The following ARHGAP19 variants were observed in gnomAD, a reference collection of about 807,000 sequenced individuals.
The protein encoded by ARHGAP19 is Rho GTPase activating protein 19.
Under a neutral mutation model 60.9 loss-of-function variants are expected in ARHGAP19, and 48 were observed. That is an observed-to-expected ratio of 0.79 (90% confidence interval 0.62 to 1.00). The LOEUF is 1.00. Ranked by LOEUF, ARHGAP19 falls within the 50% of genes least tolerant of loss-of-function variation. The pLI is 0.00. For synonymous variants in ARHGAP19, 209 were observed against 215.5 expected (o/e 0.97, Z 0.27); for missense variants, 562 against 597.2 (o/e 0.94, Z 0.61).
chr10:97,250,079 C>A (rs1334764549), intron 6 of ARHGAP19, among the ~76,000 whole-genome samples: 1 of 152,068 alleles, frequency 6.6e-6, no homozygotes, highest in South Asian at 2.1e-4. Flanking sequence ...CCACCGCACC[C>A]GGCCAGTAGT....
intron 4 of ARHGAP19, among the ~76,000 whole-genome samples, chr10:97,259,929 G>A (rs950555926): frequency 2.6e-5 from 4 of 151,774 alleles, no homozygotes; most frequent in East Asian, 3.9e-4. Flanking sequence ...TCCGCCTCCC[G>A]GGTTCAAGCG....
chr10:97,265,779 C>G, intron 2 of ARHGAP19, 81 bp downstream of exon 2: 1 of 1,529,920 alleles, frequency 6.5e-7, no homozygotes, highest in Middle Eastern at 2.3e-4. Flanking sequence ...AATAGCAACT[C>G]TTCGGTGAAT....
Position 97,266,136 on chromosome 10 carries a change from CAGA to C in ARHGAP19, c.57-14_57-12del. The C allele has an allele frequency of 1.2e-6, 2 of 1,612,562 alleles. No individual in the cohort carries two copies. Among genetic ancestry groups the C allele is most frequent in the East Asian group, 2.2e-5 (1 of 44,866 alleles). On this transcript the variant is annotated splice_polypyrimidine_tract_variant and intron_variant, in intron 1 of 11. Coordinates refer to ENST00000358531, the MANE Select transcript of ARHGAP19 (RefSeq NM_032900.6). ...CTGCAGATGGCATCACTGAAAAACA[CAGA>C]AGAAAATCTTTCGGGACATCATTTT... is the stretch of plus-strand genomic sequence containing the variant.
chr10:97,243,532 A>T (rs1842519225), intron 8 of ARHGAP19, among the ~76,000 whole-genome samples: 1 of 152,122 alleles, frequency 6.6e-6, no homozygotes, highest in Non-Finnish European at 1.5e-5. Flanking sequence ...AAAAGTTACC[A>T]CTTAGACTTT....
chr10:97,231,793 C>T (rs1423920320), intron 9 of ARHGAP19, among the ~76,000 whole-genome samples: 1 of 151,922 alleles, frequency 6.6e-6, no homozygotes, highest in Admixed American at 6.6e-5. Context: ...GCCTCAAGAC[C>T]CTGCTTTCAA....
chr10:97,241,469 C>T (rs554864961), intron 8 of ARHGAP19, among the ~76,000 whole-genome samples: 6 of 152,010 alleles, frequency 3.9e-5, no homozygotes, highest in South Asian at 2.1e-4. Context: ...AATCCCAGAA[C>T]TTTGGGAGGC....
At chr10:97,250,999 G>C (rs1462840604) in intron 6 of ARHGAP19, among the ~76,000 whole-genome samples, 1 of 151,044 alleles carries the variant, frequency 6.6e-6, no homozygotes, top group Non-Finnish European at 1.5e-5. Context: ...GGAAGTCAAA[G>C]CTGCAGTGAG....
intron 1 of ARHGAP19, among the ~76,000 whole-genome samples, chr10:97,284,096 G>C (rs911969473): frequency 3.3e-5 from 5 of 151,748 alleles, no homozygotes; most frequent in Non-Finnish European, 5.9e-5. Flanking sequence ...ACCACACCTA[G>C]CTTTTTTCTC....
chr10:97,283,523 C>T (rs979823638), intron 1 of ARHGAP19, among the ~76,000 whole-genome samples: 15 of 151,270 alleles, frequency 9.9e-5, no homozygotes, highest in Admixed American at 9.9e-4. Context: ...CACTGCACTC[C>T]GGCCTGGGCA....
chr10:97,259,587 G>T lies in ARHGAP19; in HGVS notation c.655C>A (p.Pro219Thr). The T allele has an allele frequency of 6.2e-7, 1 of 1,614,140 alleles. No individual in the cohort carries two copies. The highest frequency in any genetic ancestry group is 1.3e-5 in the African/African-American group (1 of 75,042). Residue 219 changes from proline to threonine, a missense_variant, in exon 5 of 12, where the codon CCA becomes ACA. Physicochemically the swap from Pro to Thr is conservative, Grantham distance 38. Transcript: ENST00000358531. Reference protein sequence around the residue: ...FDDKGNKTNIPDKDRQIEALQ... With the variant: ...FDDKGNKTNITDKDRQIEALQ... ...GCCTCAATTTGCCGGTCCTTGTCTG[G>T]TATATTGGTCTTGTTTCCTTTATCA...
At chr10:97,268,687 T>C (rs537154935) in intron 1 of ARHGAP19, among the ~76,000 whole-genome samples, 3 of 152,180 alleles carry the variant, frequency 2.0e-5, no homozygotes, top group East Asian at 1.9e-4. Context: ...GTGAGACTTA[T>C]TCACTGTCAA....
intron 7 of ARHGAP19, 85 bp from the exon 8 acceptor site, chr10:97,244,244 G>A (rs1842531171): frequency 9.4e-7 from 1 of 1,067,338 alleles, no homozygotes; most frequent in South Asian, 1.6e-5. Context: ...AACAAAAAAA[G>A]GGAGAGTGGG....
rs543048181 is a variant in ARHGAP19 at position 97,247,166 on chromosome 10, C to T, written c.928-829G>A. 1.1e-4 allele frequency among the ~76,000 whole-genome samples: 17 copies of T among 151,706 alleles called. No homozygotes were observed. In the East Asian group the frequency reaches 3.3e-3, roughly 29 times the overall value. Reference sequence around the variant, plus strand: ...AAAAAAAAAATTACAAAAAAATTAGCCGGGCATGGTGGTGCATGCCTGTGG... The same window carrying T: ...AAAAAAAAAATTACAAAAAAATTAGTCGGGCATGGTGGTGCATGCCTGTGG... On this transcript the variant is annotated intron_variant, in intron 6 of 11. Coordinates refer to ENST00000358531, the MANE Select transcript of ARHGAP19 (RefSeq NM_032900.6).
chr10:97,237,103 A>T (rs752059968), intron 8 of ARHGAP19, among the ~76,000 whole-genome samples: 4 of 151,992 alleles, frequency 2.6e-5, no homozygotes, highest in Non-Finnish European at 5.9e-5. Context: ...TGTCTCTACA[A>T]AAAATACAAA....
chr10:97,271,619 C>A (rs1842960289), intron 1 of ARHGAP19, among the ~76,000 whole-genome samples: 1 of 151,934 alleles, frequency 6.6e-6, no homozygotes, highest in African/African-American at 2.4e-5. Flanking sequence ...TAGTATCTTT[C>A]CCTACTCATC....
At position 97,229,967 on chromosome 10, in the gene ARHGAP19, T is replaced by TA. The variant is rs989332434; in HGVS notation, c.1285-94dup. ...CTTCAAAACTGTAATGTCCTTGGGT[T>TA]AAAAAAATCTCAGCATTCTGATAAT... On this transcript the variant is annotated intron_variant, in intron 9 of 11. Transcript: ENST00000358531. The TA allele has an allele frequency of 9.9e-6, 9 of 906,892 alleles. No individual in the cohort carries two copies. The African/African-American group carries it at 1.0e-4, about 10-fold the overall frequency. 56.2% of individuals were successfully genotyped at this position (906,892 alleles called of 1,614,324 possible). A position where few individuals can be genotyped will look rare whatever the true frequency, so the allele number is the denominator to read the frequency against.
intron 1 of ARHGAP19, among the ~76,000 whole-genome samples, chr10:97,274,129 GGT>G (rs1261944754): frequency 2.0e-5 from 3 of 152,110 alleles, no homozygotes; most frequent in Admixed American, 6.6e-5. Flanking sequence ...TCAGGATAAT[GGT>G]TACCTTTTGT....
chr10:97,239,547 AGAGGGTGTGTGTGT>A (rs1309407434), intron 8 of ARHGAP19, among the ~76,000 whole-genome samples: 2 of 5,644 alleles, frequency 3.5e-4, no homozygotes, highest in Non-Finnish European at 7.4e-3. Flanking sequence ...AGAGAGAGAG[AGAGGGTGTGTGTGT>A]GTGTGTGTGT....
At chr10:97,227,765 T>C (rs793517) in intron 11 of ARHGAP19, among the ~76,000 whole-genome samples, 43,473 of 152,020 alleles carry the variant, frequency 0.29, 6,364 homozygotes, top group Non-Finnish European at 0.32. Flanking sequence ...ACACAAAAGA[T>C]TGCATCAACA....
Sources: gnomAD v4.1 joint callset for allele counts (sites outside exome capture counted in the v4.1 genomes callset) on GRCh38, gnomAD v4.1.1 for gene constraint, MANE v1.5 for transcripts, NCBI Gene and HGNC (gene_info 2026-07-23, HGNC 2026-07-21) for gene names.